COPS2: variants seen among roughly 807,000 people sequenced by gnomAD.
COPS2 encodes the protein COP9 signalosome subunit 2, also known as COP9 signalosome complex subunit 2.
COPS2 carries 10 observed loss-of-function variants against 66.1 expected under a neutral mutation model. The ratio of observed to expected loss-of-function variants is 0.15; its 90% confidence interval spans 0.09 to 0.26. COPS2 has a LOEUF of 0.26. Ranked by LOEUF, COPS2 falls within the 10% of genes least tolerant of loss-of-function variation. The pLI, the probability that COPS2 is intolerant of heterozygous loss-of-function variation, is 1.00. For synonymous variants in COPS2, 179 were observed against 171.3 expected (o/e 1.04, Z -0.35); for missense variants, 215 against 513.3 (o/e 0.42, Z 5.62).
intron 8 of COPS2, 46 bp downstream of exon 8, chr15:49,133,884 T>C (rs539458543): frequency 2.6e-5 from 40 of 1,556,352 alleles, no homozygotes; most frequent in Non-Finnish European, 2.3e-5. Context: ...ATAACATTTA[T>C]TTCCAGATAG....
In COPS2 at chr15:49,125,004, AAAAG is replaced by A. The variant is rs1454068185; in HGVS notation, c.*2942_*2945del. The A allele has an allele frequency of 6.6e-6, 1 of 152,202 alleles. No individual in the cohort carries two copies. The highest frequency in any genetic ancestry group is 1.5e-5 in the Non-Finnish European group (1 of 68,012). 9.4% of individuals were successfully genotyped at this position (152,202 alleles called of 1,614,324 possible). ...CTGAAGAACTGTAACTATTGATTAA[AAAAG>A]AAAATTTCCCACAAAATTTCTACCA... On this transcript the variant is annotated 3_prime_UTR_variant, in exon 13 of 13. Coordinates refer to ENST00000388901, the MANE Select transcript of COPS2 (RefSeq NM_004236.4).
chr15:49,141,741 T>G (rs568312029), intron 3 of COPS2, among the ~76,000 whole-genome samples: 1 of 152,280 alleles, frequency 6.6e-6, no homozygotes, highest in South Asian at 2.1e-4. Flanking sequence ...AAATCACTCT[T>G]GTGAACCATA....
intron 9 of COPS2, among the ~76,000 whole-genome samples, chr15:49,132,887 A>C (rs2084222442): frequency 6.6e-6 from 1 of 152,146 alleles, no homozygotes; most frequent in Non-Finnish European, 1.5e-5. Context: ...AACCATCATT[A>C]CATCTTCCTC....
chr15:49,127,714 T>C lies in COPS2; in HGVS notation c.*236A>G. ...ATGATGTTGTACGTTTAGGGCAAGA[T>C]GTCAATACAGCATAAATCCCATGGT... On this transcript the variant is annotated 3_prime_UTR_variant, in exon 13 of 13. Coordinates refer to ENST00000388901, the MANE Select transcript of COPS2 (RefSeq NM_004236.4). The C allele has an allele frequency of 4.8e-6, 2 of 417,758 alleles. No individual in the cohort carries two copies. 25.9% of individuals were successfully genotyped at this position (417,758 alleles called of 1,614,324 possible).
Position 49,127,998 on chromosome 15 carries a change from G to C in COPS2, c.1284C>G (p.Thr428=), listed in dbSNP as rs1354989112. ...GARYTALDKW[T]NQLNSLNQAV... The stretch of plus-strand genomic sequence containing the variant: ...CCTGGTTGAGAGAATTTAGTTGGTT[G>C]GTCCATTTATCTAGTGCAGTATATC... The change falls in exon 13 of 13, where the codon ACC becomes ACG. Residue 428 remains threonine, a synonymous_variant. Transcript: ENST00000388901. The C allele has an allele frequency of 6.2e-7, 1 of 1,613,852 alleles. No homozygotes were observed. The highest frequency in any genetic ancestry group is 1.7e-5 in the Admixed American group (1 of 59,998).
intron 1 of COPS2, among the ~76,000 whole-genome samples, chr15:49,153,172 T>C (rs1434837538): frequency 6.6e-6 from 1 of 152,318 alleles, no homozygotes; most frequent in East Asian, 1.9e-4. Flanking sequence ...GTGCCAGTAG[T>C]CTCAGCTACT....
intron 2 of COPS2, 100 bp downstream of exon 2, chr15:49,144,865 T>C (rs994844192): frequency 4.6e-6 from 3 of 655,718 alleles, no homozygotes; most frequent in East Asian, 2.8e-5. Flanking sequence ...TAATTAAGTA[T>C]TCAAAACACA....
At chr15:49,152,548 G>C (rs1305988776) in intron 1 of COPS2, among the ~76,000 whole-genome samples, 1 of 152,186 alleles carries the variant, frequency 6.6e-6, no homozygotes, top group East Asian at 1.9e-4. Context: ...AAGGCTGGTT[G>C]TGGTGACTAA....
intron 9 of COPS2, among the ~76,000 whole-genome samples, chr15:49,131,491 A>G (rs144968028): frequency 1.6e-3 from 244 of 151,736 alleles, no homozygotes; most frequent in African/African-American, 5.4e-3. Context: ...GAAGAATCCA[A>G]CCTTGTGGAT....
intron 1 of COPS2, among the ~76,000 whole-genome samples, 183 bp downstream of exon 1, chr15:49,155,342 A>G (rs1447311524): frequency 4.6e-5 from 7 of 152,044 alleles, no homozygotes; most frequent in Admixed American, 2.6e-4. Context: ...CCCTTCCCCC[A>G]TGCTGGAGAA....
intron 1 of COPS2, among the ~76,000 whole-genome samples, chr15:49,152,627 G>A (rs980868692): frequency 6.6e-6 from 1 of 152,108 alleles, no homozygotes; most frequent in Non-Finnish European, 1.5e-5. Flanking sequence ...TTCAAGACCA[G>A]TCTGACCAAC....
intron 3 of COPS2, among the ~76,000 whole-genome samples, chr15:49,140,926 A>C (rs2084285884): frequency 6.6e-6 from 1 of 152,074 alleles, no homozygotes; most frequent in Admixed American, 6.5e-5. Flanking sequence ...AAACTTGAGA[A>C]CAATCCCTGA....
chr15:49,133,882 T>C (rs1330772792), intron 8 of COPS2, 48 bp downstream of exon 8: 2 of 1,553,798 alleles, frequency 1.3e-6, no homozygotes, highest in Admixed American at 2.0e-5. Flanking sequence ...AAATAACATT[T>C]ATTTCCAGAT....
chr15:49,138,811 C>T (rs2084270753), intron 4 of COPS2, among the ~76,000 whole-genome samples: 1 of 151,938 alleles, frequency 6.6e-6, no homozygotes, highest in African/African-American at 2.4e-5. Context: ...CTAAGAAATA[C>T]TAAATGACAT....
intron 9 of COPS2, among the ~76,000 whole-genome samples, chr15:49,132,235 G>A (rs1240269675): frequency 6.6e-6 from 1 of 151,674 alleles, no homozygotes; most frequent in Non-Finnish European, 1.5e-5. Context: ...CTTTAATAAT[G>A]AAAAGCAACC....
chr15:49,141,069 A>G (rs1307676062), intron 3 of COPS2, among the ~76,000 whole-genome samples: 1 of 152,194 alleles, frequency 6.6e-6, no homozygotes, highest in Admixed American at 6.5e-5. Flanking sequence ...TGTGGGGGTA[A>G]ATGATAGGTG....
intron 1 of COPS2, among the ~76,000 whole-genome samples, chr15:49,149,278 A>C (rs1358044594): frequency 6.6e-6 from 1 of 152,180 alleles, no homozygotes; most frequent in African/African-American, 2.4e-5. Context: ...CTTTGGCATA[A>C]ACTGCTCTTT....
intron 9 of COPS2, among the ~76,000 whole-genome samples, chr15:49,131,602 T>G (rs2084209789): frequency 6.6e-6 from 1 of 151,992 alleles, no homozygotes; most frequent in African/African-American, 2.4e-5. Flanking sequence ...TAACCTCATA[T>G]TAGGGGCACG....
chr15:49,151,536 C>T (rs1332931665), intron 1 of COPS2, among the ~76,000 whole-genome samples: 1 of 152,028 alleles, frequency 6.6e-6, no homozygotes, highest in Non-Finnish European at 1.5e-5. Context: ...CACGGTAGAA[C>T]GATTGGACTG....
Sources: gnomAD v4.1 joint callset for allele counts (sites outside exome capture counted in the v4.1 genomes callset) on GRCh38, gnomAD v4.1.1 for gene constraint, MANE v1.5 for transcripts, NCBI Gene and HGNC (gene_info 2026-07-23, HGNC 2026-07-21) for gene names.